LRCH1: variants seen among roughly 807,000 people sequenced by gnomAD.
The protein encoded by LRCH1 is leucine-rich repeat and calponin homology domain-containing protein 1.
A neutral mutation model predicts 94.9 loss-of-function variants in LRCH1; 23 were observed. The ratio of observed to expected loss-of-function variants is 0.24; its 90% confidence interval spans 0.17 to 0.34. The LOEUF is 0.34. Ranked by LOEUF, LRCH1 falls within the 10% of genes least tolerant of loss-of-function variation. The pLI is 1.00. For synonymous variants in LRCH1, 364 were observed against 354.9 expected, an observed-to-expected ratio of 1.03 and a Z score of -0.29; for missense variants, 790 against 945.9, an observed-to-expected ratio of 0.84 and a Z score of 2.16.
chr13:46,729,053 G>A, intron 18 of LRCH1, 69 bp downstream of exon 18: 1 of 1,460,874 alleles, frequency 6.8e-7, no homozygotes, highest in Admixed American at 1.9e-5. Flanking sequence ...GTTGGTTTAG[G>A]ATGTCAATGG....
At chr13:46,751,619 C>T (rs1480861304) in exon 19 of LRCH1, 5 of 152,094 alleles carry the variant, frequency 3.3e-5, no homozygotes, top group African/African-American at 1.2e-4. Context: ...CACGTTTTAA[C>T]ACAAAGAAAT....
chr13:46,573,866 A>ATATATATATATATATATT lies in LRCH1; in HGVS notation c.307+20164_307+20165insATATATATATATATATTT. On this transcript the variant is annotated intron_variant, in intron 1 of 19. Transcript: ENST00000389797. ...GTCAAATATATATATATATATATATATTTTTTTTTTTTTTGAGATGGAGTC... is the reference window on the plus strand; with the variant it reads ...GTCAAATATATATATATATATATATATATATATATATATATATTTTTTTTTTTTTTTTGAGATGGAGTC... 3.4e-3 allele frequency among the ~76,000 whole-genome samples: 216 copies of ATATATATATATATATATT among 63,344 alleles called. 1 individual carries two copies. Among genetic ancestry groups the ATATATATATATATATATT allele is most frequent in the Middle Eastern group, 0.019 (2 of 106 alleles). The allele number at this position is 63,344 out of a possible 152,430, so 41.6% of individuals were successfully genotyped here. A position where few individuals can be genotyped will look rare whatever the true frequency, so the allele number is the denominator to read the frequency against.
At chr13:46,674,755 A>G (rs1405610939) in intron 3 of LRCH1, among the ~76,000 whole-genome samples, 1 of 152,232 alleles carries the variant, frequency 6.6e-6, no homozygotes, top group Admixed American at 6.5e-5. Context: ...GGTAGGTATC[A>G]TGTTTATATT....
intron 1 of LRCH1, among the ~76,000 whole-genome samples, chr13:46,599,214 T>C (rs2050599802): frequency 6.6e-6 from 1 of 152,256 alleles, no homozygotes; most frequent in South Asian, 2.1e-4. Flanking sequence ...ATTGCATGTA[T>C]ACACCACATT....
chr13:46,594,729 A>G (rs2050540211), intron 1 of LRCH1, among the ~76,000 whole-genome samples: 1 of 152,232 alleles, frequency 6.6e-6, no homozygotes, highest in Non-Finnish European at 1.5e-5. Context: ...AATTTTGGTG[A>G]ATAAAATATC....
chr13:46,568,828 A>G (rs925114939), intron 1 of LRCH1, among the ~76,000 whole-genome samples: 3 of 152,196 alleles, frequency 2.0e-5, no homozygotes, highest in Non-Finnish European at 2.9e-5. Flanking sequence ...TGCACTTAAA[A>G]TGGGTGCATT....
intron 1 of LRCH1, among the ~76,000 whole-genome samples, chr13:46,560,480 G>GT (rs2050118554): frequency 6.6e-6 from 1 of 152,132 alleles, no homozygotes; most frequent in African/African-American, 2.4e-5. Context: ...TGTGTGAATT[G>GT]TTAGAATTAA....
At chr13:46,690,189 T>C (rs1218819423) in intron 7 of LRCH1, among the ~76,000 whole-genome samples, 4 of 152,170 alleles carry the variant, frequency 2.6e-5, no homozygotes, top group Admixed American at 6.5e-5. Flanking sequence ...TGGGATTCTT[T>C]ATCTTTAAAA....
Position 46,693,004 on chromosome 13 carries a change from G to T in LRCH1, c.1120+363G>T, listed in dbSNP as rs551185333. ...TTTTTTTGACATGGAGTCTCGCTCT[G>T]TCTCCCAGGCTGGATGGAGTGCAGT... On this transcript the variant is annotated intron_variant, in intron 8 of 19. Transcript: ENST00000389797. 4.6e-4 allele frequency among the ~76,000 whole-genome samples: 61 copies of T among 132,028 alleles called. 1 individual carries two copies. The highest frequency in any genetic ancestry group is 5.0e-3 in the Middle Eastern group (1 of 200). 86.6% of individuals were successfully genotyped at this position (132,028 alleles called of 152,430 possible).
exon 19 of LRCH1, chr13:46,750,748 C>G (rs1407810541): frequency 1.6e-5 from 12 of 749,052 alleles, no homozygotes; most frequent in Admixed American, 1.2e-4. Context: ...CACCCACTGC[C>G]TGTCACTTCA....
At chr13:46,672,367 C>G (rs1032715992) in intron 3 of LRCH1, among the ~76,000 whole-genome samples, 1 of 151,848 alleles carries the variant, frequency 6.6e-6, no homozygotes, top group African/African-American at 2.4e-5. Context: ...AGGTCCCGTG[C>G]AGATGGGTGG....
intron 18 of LRCH1, among the ~76,000 whole-genome samples, chr13:46,732,991 T>C (rs1873189340): frequency 6.6e-6 from 1 of 152,244 alleles, no homozygotes. Flanking sequence ...TTTCTTTTTG[T>C]ATTTAATAAA....
intron 3 of LRCH1, among the ~76,000 whole-genome samples, chr13:46,671,092 A>G (rs2051595205): frequency 1.3e-5 from 2 of 152,112 alleles, no homozygotes; most frequent in African/African-American, 4.8e-5. Flanking sequence ...TCACTCTCCA[A>G]GTTCCTACCT....
chr13:46,673,234 T>C (rs936220858), intron 3 of LRCH1, among the ~76,000 whole-genome samples: 9 of 152,190 alleles, frequency 5.9e-5, no homozygotes, highest in African/African-American at 1.7e-4. Context: ...GCCACCCTCC[T>C]GGATTCGGCA....
intron 1 of LRCH1, among the ~76,000 whole-genome samples, chr13:46,566,627 C>G (rs994655479): frequency 4.6e-5 from 7 of 152,132 alleles, no homozygotes; most frequent in African/African-American, 1.7e-4. Context: ...GAAATTGGAG[C>G]CCAAACAGTT....
rs1870771883 is a variant in LRCH1 at position 46,689,213 on chromosome 13, G to A, written c.1014+17G>A. On this transcript the variant is annotated intron_variant, in intron 7 of 19. Transcript: ENST00000389797. ...GCCACCGAGGTAAAGTTAGTGATCA[G>A]ATTCTTTTCCTTCTGTACTTCTAGA... 3.1e-6 allele frequency: 5 copies of A among 1,604,100 alleles called. No individual in the cohort carries two copies. Among genetic ancestry groups the A allele is most frequent in the Non-Finnish European group, 4.3e-6 (5 of 1,172,622 alleles).
chr13:46,691,973 C>G lies in LRCH1; in HGVS notation c.1015-563C>G, dbSNP rs1462370715. Among the ~76,000 whole-genome samples, 6 of 152,272 alleles carry G rather than the reference C, an allele frequency of 3.9e-5. No homozygotes were observed. The East Asian group carries it at 1.2e-3, about 29-fold the overall frequency. ...AAAGTGCTGGGATTACAGGTGTGAG[C>G]CACCACGCCTGGCTGATGCCATGTA... On this transcript the variant is annotated intron_variant, in intron 7 of 19. Coordinates refer to ENST00000389797, the MANE Select transcript of LRCH1 (RefSeq NM_001164211.2).
intron 1 of LRCH1, among the ~76,000 whole-genome samples, chr13:46,599,149 C>G (rs1230746709): frequency 6.6e-6 from 1 of 152,302 alleles, no homozygotes; most frequent in South Asian, 2.1e-4. Context: ...TAAGGTCCAT[C>G]CATACTGTAG....
intron 1 of LRCH1, among the ~76,000 whole-genome samples, chr13:46,558,718 A>G (rs1010681823): frequency 2.0e-5 from 3 of 151,872 alleles, no homozygotes; most frequent in African/African-American, 7.3e-5. Context: ...GGGCGACAGA[A>G]CAAGACTCTG....
Sources: gnomAD v4.1 joint callset for allele counts (sites outside exome capture counted in the v4.1 genomes callset) on GRCh38, gnomAD v4.1.1 for gene constraint, MANE v1.5 for transcripts, NCBI Gene and HGNC (gene_info 2026-07-23, HGNC 2026-07-21) for gene names.